The following AP3B2 variants were observed in gnomAD, a reference collection of about 807,000 sequenced individuals.
AP3B2 encodes AP-3 complex subunit beta-2.
AP3B2 carries 50 observed loss-of-function variants against 126.9 expected under a neutral mutation model. That is an observed-to-expected ratio of 0.39 (90% CI 0.31 to 0.50). AP3B2 has a LOEUF of 0.50. Ranked by LOEUF, AP3B2 falls within the 20% of genes least tolerant of loss-of-function variation. The probability of loss-of-function intolerance (pLI) is 0.79; values close to 1 mark genes in which losing one functional copy is unlikely to be tolerated. For missense variants in AP3B2, 1,177 were observed against 1,426.4 expected (o/e 0.83, Z 2.82); for synonymous variants, 541 against 565.0 (o/e 0.96, Z 0.60).
At chr15:82,703,010 A>G (rs992332424) in intron 1 of AP3B2, among the ~76,000 whole-genome samples, 3 of 151,828 alleles carry the variant, frequency 2.0e-5, no homozygotes, top group African/African-American at 4.8e-5. Flanking sequence ...CCATCTTTCA[A>G]TCTCTCCCTT....
chr15:82,678,596 G>A (rs950310069), intron 10 of AP3B2, among the ~76,000 whole-genome samples: 2 of 152,048 alleles, frequency 1.3e-5, no homozygotes, highest in Non-Finnish European at 2.9e-5. Flanking sequence ...TTTCCTCTGC[G>A]TGGAGCAGTT....
At chr15:82,682,461 G>A (rs1295965259) in intron 4 of AP3B2, among the ~76,000 whole-genome samples, 4 of 152,132 alleles carry the variant, frequency 2.6e-5, no homozygotes, top group Non-Finnish European at 4.4e-5. Context: ...ACTATCAGCA[G>A]CAGCAGCTAT....
intron 23 of AP3B2, 137 bp from the exon 24 acceptor site, chr15:82,662,389 C>T: frequency 1.3e-6 from 1 of 742,630 alleles, no homozygotes; most frequent in South Asian, 1.8e-5. Context: ...TTCTTGGCTG[C>T]TGGAGACTGT....
At chr15:82,663,741 C>T in intron 20 of AP3B2, 60 bp downstream of exon 20, 2 of 1,597,262 alleles carry the variant, frequency 1.3e-6, no homozygotes, top group Non-Finnish European at 8.5e-7. Flanking sequence ...GGGCCTGGCC[C>T]AGAGGTTGGG....
chr15:82,664,938 A>G lies in AP3B2; in HGVS notation c.2034T>C (p.Pro678=), dbSNP rs760234241. ...CCCGATTTGAGCACTTGGTCCATTC[A>G]GGTACCTGGAGATGGGGGTAGGGTG... The part of the protein sequence containing the change: ...VGLLGEYTEV[P]EWTKCSNREK... The change falls in exon 18 of 27, where the codon CCT becomes CCC. Residue 678 remains proline, a synonymous_variant. Coordinates refer to ENST00000535359, the MANE Select transcript of AP3B2 (RefSeq NM_001278512.2). This position sits in a 1 kb window ranked among gnomAD's most constrained non-coding sequence, Gnocchi z 4.5. 14 of 1,603,916 alleles carry G rather than the reference A, an allele frequency of 8.7e-6. 1 individual carries two copies. The Middle Eastern group carries it at 1.3e-3, about 151-fold the overall frequency.
chr15:82,680,971 G>C lies in AP3B2; in HGVS notation c.637C>G (p.Arg213Gly). Residue 213 changes from arginine to glycine, a missense_variant, in exon 7 of 27, where the codon CGC (arginine) becomes GGC (glycine). Coordinates refer to ENST00000535359, the MANE Select transcript of AP3B2 (RefSeq NM_001278512.2). The surrounding 1 kb of genome is among the most constrained non-coding windows in gnomAD (Gnocchi z 6.1). ...TAGTTTTTGTGAATCAGGTCGATGC[G>C]CTCCGGGCAGACCTCCTCAAAGGCC... Reference protein sequence around the residue: ...VMAFEEVCPERIDLIHKNYRK... With the variant: ...VMAFEEVCPEGIDLIHKNYRK... 6.2e-7 allele frequency: 1 copy of C among 1,613,908 alleles called. No individual in the cohort carries two copies. The highest frequency in any genetic ancestry group is 8.5e-7 in the Non-Finnish European group (1 of 1,179,882).
rs2048261745 is a variant in AP3B2, at chr15:82,677,403, G to A, written c.1379-20C>T. ...CAAGCTCTACAGAACAAAAATGAGTGTGTGGACCCCAAGACAGTCAGATGG... is the reference window on the plus strand; with the variant it reads ...CAAGCTCTACAGAACAAAAATGAGTATGTGGACCCCAAGACAGTCAGATGG... On this transcript the variant is annotated intron_variant, in intron 12 of 26. Transcript: ENST00000535359. The A allele has an allele frequency of 1.2e-6, 2 of 1,604,822 alleles. No homozygotes were observed. Among genetic ancestry groups the A allele is most frequent in the South Asian group, 2.2e-5 (2 of 90,414 alleles).
chr15:82,688,551 C>A (rs2048470802), intron 4 of AP3B2, 185 bp downstream of exon 4: 4 of 710,606 alleles, frequency 5.6e-6, no homozygotes, highest in African/African-American at 5.2e-5. Flanking sequence ...TACGCCCCTT[C>A]TGAGCCCAGC....
Position 82,661,841 on chromosome 15 carries a change from C to G in AP3B2, c.3000G>C (p.Glu1000Asp). 6.2e-7 allele frequency: 1 copy of G among 1,613,332 alleles called. No homozygotes were observed. Among genetic ancestry groups the G allele is most frequent in the Non-Finnish European group, 8.5e-7 (1 of 1,179,658 alleles). The change falls in exon 25 of 27, where the codon GAG becomes GAC. Residue 1000 changes from glutamate to aspartate, a missense_variant. By Grantham distance (45) the Glu-to-Asp change is conservative. Around this residue, in one of 5 missense-constraint regions of AP3B2, gnomAD observed 587 missense variants for 571.3 expected, o/e 1.03. Coordinates refer to ENST00000535359, the MANE Select transcript of AP3B2 (RefSeq NM_001278512.2). Reference sequence around the variant, plus strand: ...AGCACTCACCCTGTTCCTTCTTAAACTCATTTTCACTCATGAACACAGGGG... The same window carrying G: ...AGCACTCACCCTGTTCCTTCTTAAAGTCATTTTCACTCATGAACACAGGGG... ...LMAPVFMSENEFKKEQGKLMG... is the reference protein window; with the variant it reads ...LMAPVFMSENDFKKEQGKLMG...
rs1389934210 is a variant in AP3B2, at chr15:82,664,208, C to G, written c.2261+159G>C. On this transcript the variant is annotated intron_variant, in intron 19 of 26. Coordinates refer to ENST00000535359, the MANE Select transcript of AP3B2 (RefSeq NM_001278512.2). This position sits in a 1 kb window ranked among gnomAD's most constrained non-coding sequence, Gnocchi z 4.5. Reference sequence around the variant, plus strand: ...CCAGCCCATGAGGCCTCAGAGATCTCCTGCAGCCAGCGAAAGTAGGCGTCA... The same window carrying G: ...CCAGCCCATGAGGCCTCAGAGATCTGCTGCAGCCAGCGAAAGTAGGCGTCA... Among the ~76,000 whole-genome samples, 1 of 152,198 alleles carries G rather than the reference C, an allele frequency of 6.6e-6. No homozygotes were observed. The highest frequency in any genetic ancestry group is 2.4e-5 in the African/African-American group (1 of 41,460).
rs17158372 is a variant in AP3B2, at chr15:82,678,246, A to G, written c.1183-79T>C. On this transcript the variant is annotated intron_variant, in intron 10 of 26. Coordinates refer to ENST00000535359, the MANE Select transcript of AP3B2 (RefSeq NM_001278512.2). ...TGTGCTTTCATTCCAAATACACTTCATAGACCAGAAAACAATCCTCATGAC... is the reference window on the plus strand; with the variant it reads ...TGTGCTTTCATTCCAAATACACTTCGTAGACCAGAAAACAATCCTCATGAC... The G allele has an allele frequency of 1.8e-3, 2,478 of 1,348,638 alleles. 141 individuals carry two copies. The East Asian group carries it at 0.047, about 25-fold the overall frequency. The allele number at this position is 1,348,638 out of a possible 1,614,324, so 83.5% of individuals were successfully genotyped here. A position where few individuals can be genotyped will look rare whatever the true frequency, so the allele number is the denominator to read the frequency against.
chr15:82,688,523 G>A lies in AP3B2; in HGVS notation c.360+213C>T, dbSNP rs765963197. 12 of 703,410 alleles carry A rather than the reference G, an allele frequency of 1.7e-5. No individual in the cohort carries two copies. The South Asian group carries it at 1.8e-4, about 10-fold the overall frequency. The allele number at this position is 703,410 out of a possible 1,614,324, so 43.6% of individuals were successfully genotyped here. On this transcript the variant is annotated intron_variant, in intron 4 of 26. Transcript: ENST00000535359. Reference sequence around the variant, plus strand: ...CCTGGGAAGAGAGACAGGGGCCCTGGGTACCCACTTCATCTCTTACGCCCC... The same window carrying A: ...CCTGGGAAGAGAGACAGGGGCCCTGAGTACCCACTTCATCTCTTACGCCCC...
At position 82,680,571 on chromosome 15, in the gene AP3B2, G is replaced by C; in HGVS notation, c.956C>G (p.Ala319Gly). The change falls in exon 8 of 27, where the codon GCG (alanine) becomes GGG (glycine). Residue 319 changes from alanine to glycine, a missense_variant. Coordinates refer to ENST00000535359, the MANE Select transcript of AP3B2 (RefSeq NM_001278512.2). The surrounding 1 kb of genome is among the most constrained non-coding windows in gnomAD (Gnocchi z 6.1). ...TKPLLQSRSA[A>G]VVMAVAQLYF... ...GAGCTGCGCCACCGCCATCACCACC[G>C]CGGCGCTGCGGCTCTGCAGCAGGGG... is the stretch of plus-strand genomic sequence containing the variant. 4 of 1,583,498 alleles carry C rather than the reference G, an allele frequency of 2.5e-6. No homozygotes were observed. The highest frequency in any genetic ancestry group is 3.4e-6 in the Non-Finnish European group (4 of 1,172,030).
intron 1 of AP3B2, chr15:82,697,898 A>T (rs2048654592): frequency 6.6e-6 from 1 of 152,422 alleles, no homozygotes; most frequent in Admixed American, 6.5e-5. Context: ...CTTAGTGGGT[A>T]GGAGGCTGAG....
chr15:82,706,295 A>G (rs1023274973), intron 1 of AP3B2, among the ~76,000 whole-genome samples: 1 of 152,220 alleles, frequency 6.6e-6, no homozygotes, highest in African/African-American at 2.4e-5. Flanking sequence ...TCGAGCCCTC[A>G]GTCTTGCAAA....
chr15:82,669,933 A>G (rs559154186), intron 14 of AP3B2, among the ~76,000 whole-genome samples: 31 of 136,804 alleles, frequency 2.3e-4, no homozygotes, highest in Non-Finnish European at 3.7e-4. Context: ...CCCGGGAGGC[A>G]GAGGTTGTGG....
At position 82,662,269 on chromosome 15, in the gene AP3B2, C is replaced by T. The variant is rs1567254577; in HGVS notation, c.2834-17G>A. Reference sequence around the variant, plus strand: ...CCAGGGACTCTGAAGTGGTATAAGGCAGTGAAGGGGAGAGGGAGGGCCACC... The same window carrying T: ...CCAGGGACTCTGAAGTGGTATAAGGTAGTGAAGGGGAGAGGGAGGGCCACC... On this transcript the variant is annotated splice_polypyrimidine_tract_variant and intron_variant, in intron 23 of 26. Transcript: ENST00000535359. The T allele has an allele frequency of 1.9e-6, 3 of 1,575,932 alleles. No homozygotes were observed. The highest frequency in any genetic ancestry group is 2.7e-5 in the African/African-American group (2 of 74,170).
At chr15:82,676,756 C>A in intron 13 of AP3B2, 119 bp from the exon 14 acceptor site, 1 of 1,026,528 alleles carries the variant, frequency 9.7e-7, no homozygotes, top group East Asian at 2.6e-5. Context: ...TATGGGTTCT[C>A]TGGAAATGGG....
chr15:82,677,406 T>TG, intron 12 of AP3B2, 23 bp from the exon 13 acceptor site: 1 of 1,604,382 alleles, frequency 6.2e-7, no homozygotes. Context: ...AATGAGTGTG[T>TG]GGACCCCAAG....
Sources: allele counts gnomAD v4.1 joint callset (sites outside exome capture counted in the v4.1 genomes callset), GRCh38; gene constraint gnomAD v4.1.1; regional missense constraint gnomAD v4.1.1; non-coding constraint Gnocchi (gnomAD v3.1); transcripts MANE v1.5; gene names NCBI Gene and HGNC (gene_info 2026-07-23, HGNC 2026-07-21).